The following ZNF99 variants were observed in gnomAD, a reference collection of about 807,000 sequenced individuals.
The protein encoded by ZNF99 is zinc finger protein ENSP00000375192.
A neutral mutation model predicts 12.8 loss-of-function variants in ZNF99; 8 were observed. That is an observed-to-expected ratio of 0.62 (90% confidence interval 0.37 to 1.13). The LOEUF (loss-of-function observed/expected upper bound fraction) is 1.13. Among genes scored for constraint, ZNF99 ranks in the 50% most tolerant of loss-of-function variants. The pLI is 0.02. For synonymous variants in ZNF99, 318 were observed against 319.0 expected (o/e 1.00, Z 0.03); for missense variants, 1,007 against 1,006.2 (o/e 1.00, Z -0.01).
At chr19:22,774,314 G>A (rs71357950) in intron 1 of ZNF99, 15,708 of 153,034 alleles carry the variant, frequency 0.1, 1,854 homozygotes, top group African/African-American at 0.29. Flanking sequence ...CATATTCTCA[G>A]CAGAATTTTA....
rs1371851181 is a variant in ZNF99, at chr19:22,757,915, G to A, written c.1994C>T (p.Thr665Ile). ...TTCAGTATGAATTACTTTATGTCTA[G>A]TAAGGTGTGAGGACCACTTAAAAGC... is the stretch of plus-strand genomic sequence containing the variant. Reference protein sequence around the residue: ...GKAFKWSSHLTRHKVIHTEEK... With the variant: ...GKAFKWSSHLIRHKVIHTEEK... Residue 665 changes from threonine to isoleucine, a missense_variant, in exon 4 of 4, where the codon ACT (threonine) becomes ATT (isoleucine). Coordinates refer to ENST00000596209, the MANE Select transcript of ZNF99 (RefSeq NM_001080409.3). The A allele has an allele frequency of 1.9e-6, 3 of 1,610,762 alleles. No individual in the cohort carries two copies. Among genetic ancestry groups the A allele is most frequent in the South Asian group, 2.2e-5 (2 of 90,948 alleles).
intron 1 of ZNF99, among the ~76,000 whole-genome samples, chr19:22,782,509 GTGCCACCACAC>G (rs1479055364): frequency 6.6e-6 from 1 of 150,880 alleles, no homozygotes; most frequent in Non-Finnish European, 1.5e-5. Context: ...GTACAGGCAT[GTGCCACCACAC>G]CTGGCTAATT....
chr19:22,756,215 TCC>T lies in ZNF99; in HGVS notation c.*1097_*1098del. ...ACATTCTTCACATTTTTAGGGCTTC[TCC>T]CCAGTATGAATTATCTTATGTTTAG... On this transcript the variant is annotated 3_prime_UTR_variant, in exon 4 of 4. Coordinates refer to ENST00000596209, the MANE Select transcript of ZNF99 (RefSeq NM_001080409.3). 2 of 1,565,436 alleles carry T rather than the reference TCC, an allele frequency of 1.3e-6. No individual in the cohort carries two copies. The highest frequency in any genetic ancestry group is 1.7e-6 in the Non-Finnish European group (2 of 1,154,304).
Position 22,760,209 on chromosome 19 carries a change from C to A in ZNF99, c.227-527G>T, listed in dbSNP as rs139198303. 4.3e-3 allele frequency among the ~76,000 whole-genome samples: 661 copies of A among 152,220 alleles called. 7 individuals are homozygous for A. The highest frequency in any genetic ancestry group is 0.015 in the African/African-American group (631 of 41,528). On this transcript the variant is annotated intron_variant, in intron 3 of 3. Coordinates refer to ENST00000596209, the MANE Select transcript of ZNF99 (RefSeq NM_001080409.3). Reference sequence around the variant, plus strand: ...GCTACTTGGGAAGCTGAGGCAATCACTTGAACTTGGGATGTAGAAATTACA... The same window carrying A: ...GCTACTTGGGAAGCTGAGGCAATCAATTGAACTTGGGATGTAGAAATTACA...
At chr19:22,762,111 C>A (rs1177973477) in intron 3 of ZNF99, among the ~76,000 whole-genome samples, 7 of 149,338 alleles carry the variant, frequency 4.7e-5, no homozygotes, top group African/African-American at 1.7e-4. Flanking sequence ...AACCCAAACC[C>A]AGAAGAAGAA....
At chr19:22,774,876 A>T (rs1041891588) in intron 1 of ZNF99, among the ~76,000 whole-genome samples, 7 of 151,780 alleles carry the variant, frequency 4.6e-5, no homozygotes, top group African/African-American at 1.7e-4. Flanking sequence ...ACTCAAAATT[A>T]AAAAAAAGAA....
Position 22,758,717 on chromosome 19 carries a change from T to C in ZNF99, c.1192A>G (p.Lys398Glu), listed in dbSNP as rs1568383432. The C allele has an allele frequency of 1.9e-6, 3 of 1,613,674 alleles. No homozygotes were observed. In the South Asian group the frequency reaches 3.3e-5, roughly 18 times the overall value. ...AAAGCTTTACCACATTCTTCACATT[T>C]GTAGGGTTTCTGTCCAGTATGAATT... Reference protein sequence around the residue: ...EIIHTGQKPYKCEECGKAFKW... With the variant: ...EIIHTGQKPYECEECGKAFKW... Residue 398 changes from lysine (K) to glutamate (E), a missense_variant, in exon 4 of 4, where the codon AAA becomes GAA. Coordinates refer to ENST00000596209, the MANE Select transcript of ZNF99 (RefSeq NM_001080409.3).
chr19:22,759,489 G>T lies in ZNF99; in HGVS notation c.420C>A (p.Thr140=), dbSNP rs1439389023. 6.2e-7 allele frequency: 1 copy of T among 1,606,536 alleles called. No homozygotes were observed. The highest frequency in any genetic ancestry group is 1.3e-5 in the African/African-American group (1 of 74,454). Residue 140 remains threonine, a synonymous_variant, in exon 4 of 4, where the codon ACC becomes ACA. Transcript: ENST00000596209. ...YNKLNQCWTT[T]QGKIFQCNKY... ...TGTTACACTGAAATATTTTTCCCTG[G>T]GTAGTTGTCCAACATTGGTTAAGTT...
intron 3 of ZNF99, among the ~76,000 whole-genome samples, chr19:22,763,946 T>C (rs376913502): frequency 9.4e-4 from 134 of 142,076 alleles, no homozygotes; most frequent in Middle Eastern, 3.7e-3. Context: ...TCTTGTTCTG[T>C]CACCCAGGCT....
intron 3 of ZNF99, among the ~76,000 whole-genome samples, chr19:22,767,800 A>G (rs1309859354): frequency 5.9e-5 from 9 of 152,294 alleles, no homozygotes; most frequent in African/African-American, 2.2e-4. Context: ...ATAATTTATA[A>G]CAGAAAAGTT....
In ZNF99 at chr19:22,755,991, TA is replaced by T; in HGVS notation, c.*1322del. The T allele has an allele frequency of 1.5e-6, 1 of 650,434 alleles. No individual in the cohort carries two copies. The allele number at this position is 650,434 out of a possible 1,614,324, so 40.3% of individuals were successfully genotyped here. On this transcript the variant is annotated 3_prime_UTR_variant, in exon 4 of 4. Coordinates refer to ENST00000596209, the MANE Select transcript of ZNF99 (RefSeq NM_001080409.3). ...CAGTATCAATTATTTTATGTGTATT[TA>T]AGGTGTGAGGACTGGTTAAAGGCTT...
chr19:22,765,613 T>G (rs1312274318), intron 3 of ZNF99, among the ~76,000 whole-genome samples: 3 of 151,878 alleles, frequency 2.0e-5, no homozygotes, highest in African/African-American at 7.2e-5. Context: ...TTATTTTACT[T>G]TAAAAAACAA....
intron 3 of ZNF99, among the ~76,000 whole-genome samples, chr19:22,763,965 G>A (rs1243121422): frequency 1.5e-5 from 2 of 136,304 alleles, no homozygotes; most frequent in Non-Finnish European, 3.0e-5. Flanking sequence ...CTGGAGTGCA[G>A]TGGTGTGATC....
chr19:22,765,234 T>C (rs575488439), intron 3 of ZNF99, among the ~76,000 whole-genome samples: 1 of 152,092 alleles, frequency 6.6e-6, no homozygotes, highest in African/African-American at 2.4e-5. Context: ...AAATCAGAAA[T>C]GGAAAACCAA....
chr19:22,773,097 T>C lies in ZNF99; in HGVS notation c.4-3773A>G, dbSNP rs138173959. ...GATCTAGCCTCTCTAAAAGTTACTG[T>C]GGAGGACTATAGATACCAAATTGGC... On this transcript the variant is annotated intron_variant, in intron 1 of 3. Coordinates refer to ENST00000596209, the MANE Select transcript of ZNF99 (RefSeq NM_001080409.3). Among the ~76,000 whole-genome samples the C allele has an allele frequency of 2.0e-4, 31 of 152,314 alleles. No individual in the cohort carries two copies. The East Asian group carries it at 5.0e-3, about 25-fold the overall frequency.
chr19:22,780,561 C>T (rs187604304), intron 1 of ZNF99, among the ~76,000 whole-genome samples: 97 of 151,968 alleles, frequency 6.4e-4, no homozygotes, highest in Non-Finnish European at 1.3e-3. Context: ...CGTGGTGGCA[C>T]ATATCTGTAA....
rs62119150 is a variant in ZNF99 at position 22,756,873 on chromosome 19, T to C, written c.*441A>G. 141,726 of 1,611,280 alleles carry C rather than the reference T, an allele frequency of 0.088. 6,403 individuals are homozygous for C. Among genetic ancestry groups the C allele is most frequent in the Middle Eastern group, 0.14 (817 of 6,038 alleles). ...AGCTTTGCCACATTCTTCACATTTG[T>C]AGGGTTTCTCTACAGTATGAATTAC... On this transcript the variant is annotated 3_prime_UTR_variant, in exon 4 of 4. Coordinates refer to ENST00000596209, the MANE Select transcript of ZNF99 (RefSeq NM_001080409.3).
In ZNF99 at chr19:22,784,053, G is replaced by T; in HGVS notation, c.-37C>A. On this transcript the variant is annotated 5_prime_UTR_variant, in exon 1 of 4. Transcript: ENST00000596209. Reference sequence around the variant, plus strand: ...CAGGGGGTCCTGGCGTCCTAGCTGTGGATCTCCAAATACCTACAGGTCACA... The same window carrying T: ...CAGGGGGTCCTGGCGTCCTAGCTGTTGATCTCCAAATACCTACAGGTCACA... 1 of 1,613,008 alleles carries T rather than the reference G, an allele frequency of 6.2e-7. No individual in the cohort carries two copies. Among genetic ancestry groups the T allele is most frequent in the Non-Finnish European group, 8.5e-7 (1 of 1,179,484 alleles).
intron 1 of ZNF99, among the ~76,000 whole-genome samples, chr19:22,777,563 G>T (rs1599449854): frequency 1.3e-5 from 2 of 152,174 alleles, no homozygotes; most frequent in Admixed American, 6.5e-5. Flanking sequence ...ATGGGTGAAA[G>T]AGAGTGCAAT....
Sources: gnomAD v4.1 joint callset for allele counts (sites outside exome capture counted in the v4.1 genomes callset) on GRCh38, gnomAD v4.1.1 for gene constraint, MANE v1.5 for transcripts, NCBI Gene and HGNC (gene_info 2026-07-23, HGNC 2026-07-21) for gene names.